Variants in ZNF836 observed in about 807,000 individuals in gnomAD.
ZNF836 encodes the protein zinc finger protein 836.
A neutral mutation model predicts 7.4 loss-of-function variants in ZNF836; 12 were observed. The ratio of observed to expected loss-of-function variants is 1.61; its 90% CI spans 1.03 to 2.61. The LOEUF (loss-of-function observed/expected upper bound fraction) is 2.61. ZNF836 is among the 30% of genes most tolerant of loss of function. The probability of loss-of-function intolerance (pLI) is 0.00; values close to 1 mark genes in which losing one functional copy is unlikely to be tolerated. For missense variants in ZNF836, 998 were observed against 1,126.2 expected (o/e 0.89, Z 1.63); for synonymous variants, 365 against 382.6 (o/e 0.95, Z 0.54).
In ZNF836 at chr19:52,156,950, G is replaced by A. The variant is rs1314246446; in HGVS notation, c.733C>T (p.Pro245Ser). The A allele has an allele frequency of 6.2e-7, 1 of 1,614,162 alleles. No homozygotes were observed. The highest frequency in any genetic ancestry group is 8.5e-7 in the Non-Finnish European group (1 of 1,180,026). ...TTGCCACATTCATTGCATTTGTAAG[G>A]TTTCTCTGTAGTATGTACCATCTGA... ...NHQMVHTTEKPYKCNECGKAF... is the reference protein window; with the variant it reads ...NHQMVHTTEKSYKCNECGKAF... The change falls in exon 5 of 5, where the codon CCT becomes TCT. Residue 245 changes from proline to serine, a missense_variant. By Grantham distance (74) the Pro-to-Ser change is moderately conservative. Transcript: ENST00000682614.
chr19:52,166,575 CTT>C (rs56320677), intron 3 of ZNF836, among the ~76,000 whole-genome samples: 9 of 133,168 alleles, frequency 6.8e-5, no homozygotes, highest in Non-Finnish European at 6.3e-5. Context: ...GTACCAACTT[CTT>C]TTTTTTTTTT....
chr19:52,157,642 C>T (rs1218072999), intron 4 of ZNF836, 102 bp from the exon 5 acceptor site: 5 of 1,134,768 alleles, frequency 4.4e-6, no homozygotes, highest in Middle Eastern at 3.1e-4. Flanking sequence ...ACAATCTCAG[C>T]TCACTGTGAC....
In ZNF836 at chr19:52,160,589, TC is replaced by T. The variant is rs1461128403; in HGVS notation, c.17del (p.Gly6AspfsTer3). 1 of 1,602,526 alleles carries T rather than the reference TC, an allele frequency of 6.2e-7. No homozygotes were observed. The highest frequency in any genetic ancestry group is 1.3e-5 in the African/African-American group (1 of 74,186). On this transcript the variant is annotated frameshift_variant and splice_region_variant, in exon 4 of 5. Coordinates refer to ENST00000682614, the MANE Select transcript of ZNF836 (RefSeq NM_001102657.3). LOFTEE classifies it high-confidence loss of function. MALTQ[G>X]PLTFRDVAIE... ...TGGCTACATCCCTGAATGTCAAAGG[TC>T]CCTGAAATGAAAAACACATTTCAAC... is the stretch of plus-strand genomic sequence containing the variant.
chr19:52,158,127 T>C (rs926214764), intron 4 of ZNF836, among the ~76,000 whole-genome samples: 2 of 152,210 alleles, frequency 1.3e-5, no homozygotes, highest in Non-Finnish European at 1.5e-5. Context: ...AAGACTCATG[T>C]TGTGCAAACA....
At chr19:52,164,555 A>G (rs1481794737) in intron 3 of ZNF836, among the ~76,000 whole-genome samples, 1 of 152,168 alleles carries the variant, frequency 6.6e-6, no homozygotes, top group Non-Finnish European at 1.5e-5. Flanking sequence ...AATAGTCACT[A>G]GATGAGTTCA....
rs2089211257 is a variant in ZNF836, at chr19:52,161,370, T to A, written c.16-779A>T. On this transcript the variant is annotated intron_variant, in intron 3 of 4. Coordinates refer to ENST00000682614, the MANE Select transcript of ZNF836 (RefSeq NM_001102657.3). The surrounding 1 kb of genome is among the most constrained non-coding windows in gnomAD (Gnocchi z 4.1). Reference sequence around the variant, plus strand: ...TGGCTGGGGAAATCCAAGATCAAGGTGCCAGCAGGACTGATGTCTGGTGAG... The same window carrying A: ...TGGCTGGGGAAATCCAAGATCAAGGAGCCAGCAGGACTGATGTCTGGTGAG... 6.6e-6 allele frequency among the ~76,000 whole-genome samples: 1 copy of A among 152,158 alleles called. No individual in the cohort carries two copies. Among genetic ancestry groups the A allele is most frequent in the Non-Finnish European group, 1.5e-5 (1 of 68,028 alleles).
chr19:52,156,204 A>C lies in ZNF836; in HGVS notation c.1479T>G (p.Thr493=). The change falls in exon 5 of 5, where the codon ACT becomes ACG. Residue 493 remains threonine (T), a synonymous_variant. Coordinates refer to ENST00000682614, the MANE Select transcript of ZNF836 (RefSeq NM_001102657.3). ...SHLVGHRRIH[T]GEKPYKCDKC... is the part of the protein sequence containing the mutation. ...TATCACATTTGTAAGGTTTCTCTCC[A>C]GTATGAATTCTCCGATGCCCCACAA... 1 of 1,614,222 alleles carries C rather than the reference A, an allele frequency of 6.2e-7. No homozygotes were observed. The highest frequency in any genetic ancestry group is 8.5e-7 in the Non-Finnish European group (1 of 1,180,034).
intron 3 of ZNF836, among the ~76,000 whole-genome samples, chr19:52,162,538 G>A (rs185396101): frequency 2.6e-5 from 4 of 152,310 alleles, no homozygotes; most frequent in East Asian, 3.9e-4. Flanking sequence ...GCGGGTGAAC[G>A]CGGGAATAAA....
At position 52,154,990 on chromosome 19, in the gene ZNF836, G is replaced by A; in HGVS notation, c.2693C>T (p.Ser898Phe). The A allele has an allele frequency of 6.2e-7, 1 of 1,612,154 alleles. No homozygotes were observed. The highest frequency in any genetic ancestry group is 8.5e-7 in the Non-Finnish European group (1 of 1,178,838). ...AGTGAGGCCTGAGCGACTAATGAAA[G>A]ATTTGCCACACTCATTACATTTATA... ...KPYKCNECGK[S>F]FISRSGLTKH... The change falls in exon 5 of 5, where the codon TCT becomes TTT. Residue 898 changes from serine to phenylalanine, a missense_variant. By Grantham distance (155) the Ser-to-Phe change is radical (BLOSUM62 -2). Transcript: ENST00000682614.
Position 52,154,898 on chromosome 19 carries a change from C to T in ZNF836, c.2785G>A (p.Val929Ile). 9.2e-6 allele frequency: 14 copies of T among 1,525,424 alleles called. No individual in the cohort carries two copies. Among genetic ancestry groups the T allele is most frequent in the Non-Finnish European group, 1.2e-5 (14 of 1,139,306 alleles). The allele number at this position is 1,525,424 out of a possible 1,614,324, so 94.5% of individuals were successfully genotyped here. A position where few individuals can be genotyped will look rare whatever the true frequency, so the allele number is the denominator to read the frequency against. Residue 929 changes from valine (V) to isoleucine (I), a missense_variant, in exon 5 of 5, where the codon GTT (valine) becomes ATT (isoleucine). Coordinates refer to ENST00000682614, the MANE Select transcript of ZNF836 (RefSeq NM_001102657.3). The stretch of plus-strand genomic sequence containing the variant: ...TATTTGAACCCAGAAGTTAGGAGAA[C>T]ATCTAAAGGCTTTTCCACATTGAAT... ...TKFNVEKPLD[V>I]LLTSGFK
rs1021363500 is a variant in ZNF836 at position 52,160,351 on chromosome 19, T to C, written c.142+114A>G. The C allele has an allele frequency of 5.3e-6, 7 of 1,328,968 alleles. No homozygotes were observed. The Admixed American group carries it at 9.5e-5, about 18-fold the overall frequency. 82.3% of individuals were successfully genotyped at this position (1,328,968 alleles called of 1,614,324 possible). ...CATTATGAAGCTTTTTATTTGTGAG[T>C]CAACAAGGCTTCAGTCTCAGTCAAA... is the stretch of plus-strand genomic sequence containing the variant. On this transcript the variant is annotated intron_variant, in intron 4 of 4. Transcript: ENST00000682614.
chr19:52,156,953 TC>T lies in ZNF836; in HGVS notation c.729del (p.Lys244AsnfsTer18). 3 of 1,614,206 alleles carry T rather than the reference TC, an allele frequency of 1.9e-6. No homozygotes were observed. Among genetic ancestry groups the T allele is most frequent in the Non-Finnish European group, 2.5e-6 (3 of 1,180,022 alleles). On this transcript the variant is annotated frameshift_variant, in exon 5 of 5. Coordinates refer to ENST00000682614, the MANE Select transcript of ZNF836 (RefSeq NM_001102657.3). LOFTEE classifies it low-confidence loss of function (END_TRUNC). ...LINHQMVHTT[E>X]KPYKCNECGK... ...CCACATTCATTGCATTTGTAAGGTTTCTCTGTAGTATGTACCATCTGATGGT... is the reference window on the plus strand; with the variant it reads ...CCACATTCATTGCATTTGTAAGGTTTTCTGTAGTATGTACCATCTGATGGT...
intron 3 of ZNF836, 102 bp downstream of exon 3, chr19:52,167,956 T>G: frequency 1.2e-6 from 1 of 850,340 alleles, no homozygotes; most frequent in Non-Finnish European, 2.0e-6. Flanking sequence ...GCAGCAAACG[T>G]GTCAGGCAGG....
At chr19:52,167,702 G>A (rs903488359) in intron 3 of ZNF836, among the ~76,000 whole-genome samples, 6 of 152,012 alleles carry the variant, frequency 3.9e-5, no homozygotes, top group Non-Finnish European at 5.9e-5. Context: ...TGTGACTTCC[G>A]TGTGCAGCTT....
Position 52,155,451 on chromosome 19 carries a change from A to G in ZNF836, c.2232T>C (p.His744=), listed in dbSNP as rs753717884. The G allele has an allele frequency of 2.5e-6, 4 of 1,614,016 alleles. No homozygotes were observed. The highest frequency in any genetic ancestry group is 1.1e-5 in the South Asian group (1 of 91,090). The change falls in exon 5 of 5, where the codon CAT becomes CAC. Residue 744 remains histidine, a synonymous_variant. Coordinates refer to ENST00000682614, the MANE Select transcript of ZNF836 (RefSeq NM_001102657.3). ...ITGLTYHQRR[H]TGEMPYKCIE... ...TACATTTGTATGGCATCTCTCCAGT[A>G]TGCCTTCTCTGATGGTACGTCAGGC...
At chr19:52,162,415 G>A (rs28838074) in intron 3 of ZNF836, among the ~76,000 whole-genome samples, 32,583 of 152,152 alleles carry the variant, frequency 0.21, 4,125 homozygotes, top group South Asian at 0.35. Flanking sequence ...GGAAGTAACC[G>A]TGAGTCCACA....
At chr19:52,157,658 C>T in intron 4 of ZNF836, 118 bp from the exon 5 acceptor site, 2 of 971,276 alleles carry the variant, frequency 2.1e-6, no homozygotes, top group Non-Finnish European at 1.4e-6. Flanking sequence ...GTGACCTCCA[C>T]CTCCTGGGTT....
chr19:52,164,100 G>GA (rs1163935876), intron 3 of ZNF836, among the ~76,000 whole-genome samples: 1 of 150,982 alleles, frequency 6.6e-6, no homozygotes, highest in East Asian at 2.0e-4. Flanking sequence ...GAGAAAGAAA[G>GA]AGAGTAATGG....
chr19:52,168,061 TG>T lies in ZNF836; in HGVS notation c.11del (p.Thr4AsnfsTer5), dbSNP rs1174618865. The T allele has an allele frequency of 6.2e-7, 1 of 1,607,628 alleles. No individual in the cohort carries two copies. On this transcript the variant is annotated frameshift_variant, in exon 3 of 5. Transcript: ENST00000682614. LOFTEE classifies it high-confidence loss of function. ...TCCACTAAGAATATCATTTTACCTG[TG>T]TAAGAGCCATCCCTGACTCCTTTTC... The part of the protein sequence containing the change: MAL[T>X]QGPLTFRDVA...
Sources: gnomAD v4.1 joint callset for allele counts (sites outside exome capture counted in the v4.1 genomes callset) on GRCh38, gnomAD v4.1.1 for gene constraint, Gnocchi (gnomAD v3.1) non-coding constraint, MANE v1.5 for transcripts, NCBI Gene and HGNC (gene_info 2026-07-23, HGNC 2026-07-21) for gene names.